The following AGAP1 variants were observed in gnomAD, a reference collection of about 807,000 sequenced individuals.
The protein encoded by AGAP1 is ArfGAP with GTPase domain, ankyrin repeat and PH domain 1, also known as arf-GAP with GTPase, ANK repeat and PH domain-containing protein 1.
AGAP1 carries 29 observed loss-of-function variants against 105.3 expected under a neutral mutation model. The ratio of observed to expected loss-of-function variants is 0.28; its 90% CI spans 0.21 to 0.38. The LOEUF (loss-of-function observed/expected upper bound fraction) is 0.38, where lower values mean the gene tolerates loss of function less well. AGAP1 is among the 10% of genes least tolerant of loss of function. The pLI, the probability that AGAP1 is intolerant of heterozygous loss-of-function variation, is 1.00. For synonymous variants in AGAP1, 509 were observed against 485.9 expected, an observed-to-expected ratio of 1.05 and a Z score of -0.63; for missense variants, 998 against 1,165.1, an observed-to-expected ratio of 0.86 and a Z score of 2.09.
intron 10 of AGAP1, among the ~76,000 whole-genome samples, chr2:235,895,543 T>C (rs1257332428): frequency 6.6e-6 from 1 of 152,000 alleles, no homozygotes; most frequent in African/African-American, 2.4e-5. Context: ...CTCTTGGGAG[T>C]TTCCCCACAC....
rs556899364 is a variant in AGAP1 at position 235,829,951 on chromosome 2, G to A, written c.1050+22620G>A. 3.1e-4 allele frequency among the ~76,000 whole-genome samples: 47 copies of A among 152,238 alleles called. 1 individual carries two copies. The South Asian group carries it at 9.5e-3, about 31-fold the overall frequency. On this transcript the variant is annotated intron_variant, in intron 9 of 17. Transcript: ENST00000304032. ...AAGTGACAAGTAGTCTCTGGGGACCGGCACATCTGGACATGGACAGTCAAA... is the reference window on the plus strand; with the variant it reads ...AAGTGACAAGTAGTCTCTGGGGACCAGCACATCTGGACATGGACAGTCAAA...
intron 13 of AGAP1, among the ~76,000 whole-genome samples, chr2:235,991,330 TG>T (rs766642013): frequency 1.6e-4 from 25 of 152,200 alleles, no homozygotes; most frequent in Non-Finnish European, 2.5e-4. Context: ...TTCCAATATT[TG>T]TAGGGTTTAT....
chr2:235,686,588 C>CACACGT (rs1553605459), intron 1 of AGAP1, among the ~76,000 whole-genome samples: 1 of 108,508 alleles, frequency 9.2e-6, no homozygotes, highest in Non-Finnish European at 1.9e-5. Flanking sequence ...CACACACACA[C>CACACGT]GTGTGTGTGT....
chr2:235,985,970 A>G (rs1469211552), intron 13 of AGAP1, among the ~76,000 whole-genome samples: 1 of 152,176 alleles, frequency 6.6e-6, no homozygotes, highest in East Asian at 1.9e-4. Context: ...TTGATTCCAT[A>G]TGAAATTTAA....
intron 6 of AGAP1, among the ~76,000 whole-genome samples, chr2:235,771,591 G>A (rs1271815161): frequency 2.6e-5 from 4 of 152,310 alleles, no homozygotes; most frequent in Admixed American, 6.5e-5. Flanking sequence ...GGTCTTCCCC[G>A]AAGAGTGATC....
chr2:236,098,055 T>G (rs1033756985), intron 16 of AGAP1, among the ~76,000 whole-genome samples: 2 of 152,220 alleles, frequency 1.3e-5, no homozygotes, highest in Non-Finnish European at 2.9e-5. Context: ...ATCGTGTGGA[T>G]AGAGCACATT....
At position 235,786,083 on chromosome 2, in the gene AGAP1, GAGA is replaced by G. The variant is rs148668432; in HGVS notation, c.674-11670_674-11668del. On this transcript the variant is annotated intron_variant, in intron 6 of 17. Transcript: ENST00000304032. Reference sequence around the variant, plus strand: ...TCTCTGCGAGACAGCTTGATGAGTTGAGAAGAAGTGACAGGTTCATCTTTCCCT... The same window carrying G: ...TCTCTGCGAGACAGCTTGATGAGTTGAGAAGTGACAGGTTCATCTTTCCCT... Among the ~76,000 whole-genome samples the G allele has an allele frequency of 2.5e-3, 378 of 152,318 alleles. 1 individual carries two copies. The highest frequency in any genetic ancestry group is 8.8e-3 in the African/African-American group (367 of 41,572).
chr2:235,682,281 A>T (rs1217897115), intron 1 of AGAP1, among the ~76,000 whole-genome samples: 1 of 152,008 alleles, frequency 6.6e-6, no homozygotes, highest in African/African-American at 2.4e-5. Context: ...TTTCACTCTG[A>T]ACTAGCTTGG....
chr2:235,615,994 A>G lies in AGAP1; in HGVS notation c.164-93185A>G, dbSNP rs886586697. ...AAAGGAAATGGACACAAAATTCATA[A>G]AAGAAGAAACAAAGGAGCAATTAAG... On this transcript the variant is annotated intron_variant, in intron 1 of 17. Transcript: ENST00000304032. The surrounding 1 kb of genome is among the most constrained non-coding windows in gnomAD (Gnocchi z 5.0). 1.3e-5 allele frequency among the ~76,000 whole-genome samples: 2 copies of G among 152,204 alleles called. No homozygotes were observed. Among genetic ancestry groups the G allele is most frequent in the African/African-American group, 4.8e-5 (2 of 41,450 alleles).
chr2:235,773,326 T>C (rs1013593623), intron 6 of AGAP1, among the ~76,000 whole-genome samples: 4 of 152,220 alleles, frequency 2.6e-5, no homozygotes, highest in Admixed American at 2.0e-4. Flanking sequence ...GTTACACTTC[T>C]ATGCAAATGA....
intron 9 of AGAP1, among the ~76,000 whole-genome samples, chr2:235,810,446 C>A (rs992342376): frequency 6.6e-6 from 1 of 152,026 alleles, no homozygotes; most frequent in African/African-American, 2.4e-5. Context: ...CGTGGAGTTG[C>A]TAATGCAGAC....
At position 235,721,587 on chromosome 2, in the gene AGAP1, C is replaced by T. The variant is rs145020998; in HGVS notation, c.310+3943C>T. ...CTGCCACACACAGTGTGGCTTAAAACAGAAATGTATTCTCATAGTTCTCAG... is the reference window on the plus strand; with the variant it reads ...CTGCCACACACAGTGTGGCTTAAAATAGAAATGTATTCTCATAGTTCTCAG... On this transcript the variant is annotated intron_variant, in intron 3 of 17. Transcript: ENST00000304032. This position sits in a 1 kb window ranked among gnomAD's most constrained non-coding sequence, Gnocchi z 4.5. Among the ~76,000 whole-genome samples, 1,010 of 152,222 alleles carry T rather than the reference C, an allele frequency of 6.6e-3. 8 individuals are homozygous for T. The highest frequency in any genetic ancestry group is 0.023 in the African/African-American group (957 of 41,548).
chr2:235,723,701 AG>A lies in AGAP1; in HGVS notation c.310+6059del, dbSNP rs1441050064. Among the ~76,000 whole-genome samples the A allele has an allele frequency of 6.6e-6, 1 of 152,206 alleles. No homozygotes were observed. The highest frequency in any genetic ancestry group is 6.5e-5 in the Admixed American group (1 of 15,278). On this transcript the variant is annotated intron_variant, in intron 3 of 17. Transcript: ENST00000304032. This position sits in a 1 kb window ranked among gnomAD's most constrained non-coding sequence, Gnocchi z 6.2. Reference sequence around the variant, plus strand: ...CGTGGCACACCTGAGGAGGGCAGAAAGGTGGCCCCACAAGCTTCCCAAGATG... The same window carrying A: ...CGTGGCACACCTGAGGAGGGCAGAAAGTGGCCCCACAAGCTTCCCAAGATG...
chr2:235,511,931 A>G (rs1212659252), intron 1 of AGAP1, among the ~76,000 whole-genome samples: 1 of 138,848 alleles, frequency 7.2e-6, no homozygotes, highest in East Asian at 2.2e-4. Context: ...TGAATGTGTG[A>G]ATGTGTATGT....
At chr2:235,954,265 A>T (rs1414414271) in intron 12 of AGAP1, among the ~76,000 whole-genome samples, 1 of 150,724 alleles carries the variant, frequency 6.6e-6, no homozygotes, top group African/African-American at 2.4e-5. Flanking sequence ...AATCAGAGGG[A>T]CACAGCCACA....
At chr2:235,645,471 A>C (rs1947342022) in intron 1 of AGAP1, among the ~76,000 whole-genome samples, 1 of 152,128 alleles carries the variant, frequency 6.6e-6, no homozygotes, top group Non-Finnish European at 1.5e-5. Flanking sequence ...AACCAAAGGG[A>C]TGTTTATTGC....
intron 9 of AGAP1, among the ~76,000 whole-genome samples, chr2:235,816,350 A>C (rs1243850069): frequency 2.0e-5 from 3 of 151,542 alleles, no homozygotes; most frequent in African/African-American, 7.3e-5. Flanking sequence ...AGGCAGGAGA[A>C]TCGCATGAAC....
intron 13 of AGAP1, among the ~76,000 whole-genome samples, chr2:235,998,582 A>G (rs753280160): frequency 4.6e-5 from 7 of 152,186 alleles, no homozygotes; most frequent in Non-Finnish European, 1.0e-4. Flanking sequence ...TTCTAAATAT[A>G]AGTCTATGGT....
chr2:235,847,266 G>A (rs900815140), intron 9 of AGAP1, among the ~76,000 whole-genome samples: 1 of 152,206 alleles, frequency 6.6e-6, no homozygotes, highest in Admixed American at 6.5e-5. Flanking sequence ...AAAGGAAACT[G>A]GGACTGAAAA....
Sources: allele counts gnomAD v4.1 joint callset (sites outside exome capture counted in the v4.1 genomes callset), GRCh38; gene constraint gnomAD v4.1.1; non-coding constraint Gnocchi (gnomAD v3.1); transcripts MANE v1.5; gene names NCBI Gene and HGNC (gene_info 2026-07-23, HGNC 2026-07-21).